ADCY3: variants seen among roughly 807,000 people sequenced by gnomAD.
ADCY3 encodes adenylate cyclase type 3.
ADCY3 carries 70 observed loss-of-function variants against 119.4 expected under a neutral mutation model. The observed-to-expected ratio is 0.59, with a 90% CI of 0.48 to 0.72. ADCY3 has a LOEUF of 0.72. Ranked by LOEUF, ADCY3 falls within the 30% of genes least tolerant of loss-of-function variation. The probability of loss-of-function intolerance (pLI) is 0.00; values close to 1 mark genes in which losing one functional copy is unlikely to be tolerated. For synonymous variants in ADCY3, 672 were observed against 621.4 expected, an observed-to-expected ratio of 1.08 and a Z score of -1.21; for missense variants, 1,238 against 1,541.6, an observed-to-expected ratio of 0.80 and a Z score of 3.30.
chr2:24,906,145 A>G (rs1025435592), intron 2 of ADCY3, among the ~76,000 whole-genome samples: 4 of 152,102 alleles, frequency 2.6e-5, no homozygotes, highest in Non-Finnish European at 5.9e-5. Context: ...CGTCTCTACT[A>G]AAACTACAAA....
intron 2 of ADCY3, among the ~76,000 whole-genome samples, chr2:24,902,034 CTGTGTG>C (rs57980321): frequency 0.05 from 6,126 of 122,252 alleles, 340 homozygotes; most frequent in African/African-American, 0.15. Context: ...CATTTTAACT[CTGTGTG>C]TGTGTGTGTG....
chr2:24,871,337 G>T (rs182320257), intron 3 of ADCY3, among the ~76,000 whole-genome samples: 44 of 152,356 alleles, frequency 2.9e-4, no homozygotes, highest in Non-Finnish European at 3.7e-4. Context: ...GGGCCCAGGG[G>T]AAGGGGCGAA....
At position 24,898,299 on chromosome 2, in the gene ADCY3, G is replaced by GCCTTT. The variant is rs1376110943; in HGVS notation, c.675+20009_675+20013dup. Among the ~76,000 whole-genome samples, 1 of 151,774 alleles carries GCCTTT rather than the reference G, an allele frequency of 6.6e-6. No individual in the cohort carries two copies. Among genetic ancestry groups the GCCTTT allele is most frequent in the African/African-American group, 2.4e-5 (1 of 41,294 alleles). On this transcript the variant is annotated intron_variant, in intron 2 of 21. Coordinates refer to ENST00000679454, the MANE Select transcript of ADCY3 (RefSeq NM_004036.5). This position sits in a 1 kb window ranked among gnomAD's most constrained non-coding sequence, Gnocchi z 4.3. ...AGGCCCCCGGGGAGGCTCGAGGACCGCCTTTCCATCACCGTGGGGTGAGCC... is the reference window on the plus strand; with the variant it reads ...AGGCCCCCGGGGAGGCTCGAGGACCGCCTTTCCTTTCCATCACCGTGGGGTGAGCC...
At chr2:24,905,583 C>T (rs963371158) in intron 2 of ADCY3, among the ~76,000 whole-genome samples, 2 of 152,168 alleles carry the variant, frequency 1.3e-5, no homozygotes, top group Non-Finnish European at 2.9e-5. Flanking sequence ...CAGGTCCGCC[C>T]CAACCAGGGA....
intron 11 of ADCY3, among the ~76,000 whole-genome samples, chr2:24,833,250 T>C (rs1669838158): frequency 6.6e-6 from 1 of 152,204 alleles, no homozygotes; most frequent in African/African-American, 2.4e-5. Flanking sequence ...TGCAGTGGCG[T>C]GTAGGAGGCC....
chr2:24,832,348 C>T (rs1459947567), intron 11 of ADCY3, among the ~76,000 whole-genome samples: 2 of 152,122 alleles, frequency 1.3e-5, no homozygotes, highest in African/African-American at 4.8e-5. Context: ...TGCACCCCTG[C>T]CATGTCGCTG....
chr2:24,834,856 T>C lies in ADCY3; in HGVS notation c.1743A>G (p.Glu581=). ...DLADRVVDAS[E]DEHELNQLLN... is the part of the protein sequence containing the mutation. ...GCAGCTGGTTGAGCTCGTGCTCATCTTCAGAGGCATCCACCACTCGGTCAG... is the reference window on the plus strand; with the variant it reads ...GCAGCTGGTTGAGCTCGTGCTCATCCTCAGAGGCATCCACCACTCGGTCAG... The change falls in exon 10 of 22, where the codon GAA becomes GAG. Residue 581 remains glutamate, a synonymous_variant. Transcript: ENST00000679454. The surrounding 1 kb of genome is among the most constrained non-coding windows in gnomAD (Gnocchi z 4.2). 6.2e-7 allele frequency: 1 copy of C among 1,613,944 alleles called. No individual in the cohort carries two copies. The highest frequency in any genetic ancestry group is 8.5e-7 in the Non-Finnish European group (1 of 1,180,008).
At chr2:24,832,414 G>C (rs1234663530) in intron 11 of ADCY3, among the ~76,000 whole-genome samples, 3 of 152,116 alleles carry the variant, frequency 2.0e-5, no homozygotes, top group Admixed American at 6.5e-5. Context: ...GGGGCTAAGA[G>C]TCTGCCTGTG....
chr2:24,902,962 T>G (rs1679072923), intron 2 of ADCY3, among the ~76,000 whole-genome samples: 3 of 151,610 alleles, frequency 2.0e-5, no homozygotes, highest in Non-Finnish European at 4.4e-5. Context: ...GCCCAAGAGG[T>G]TGAGGCTGCA....
intron 15 of ADCY3, chr2:24,826,343 C>A: frequency 1.9e-6 from 1 of 539,312 alleles, no homozygotes. Context: ...CCTGGCCCCT[C>A]CTGGCTGCAC....
At chr2:24,831,787 G>T in intron 11 of ADCY3, 38 bp from the exon 12 acceptor site, 1 of 1,518,194 alleles carries the variant, frequency 6.6e-7, no homozygotes. Context: ...AGGCCAGAGG[G>T]GACAGTGAGA....
Position 24,834,470 on chromosome 2 carries a change from C to T in ADCY3, c.1967+15G>A, listed in dbSNP as rs147173388. 8.7e-4 allele frequency: 1,390 copies of T among 1,591,596 alleles called. 33 individuals are homozygous for T. The East Asian group carries it at 0.028, about 32-fold the overall frequency. Reference sequence around the variant, plus strand: ...AGCCGAGGAAACTCGTGGCCCTCCCCGGCCCCTCCCTCACCAGGGGTCGAT... The same window carrying T: ...AGCCGAGGAAACTCGTGGCCCTCCCTGGCCCCTCCCTCACCAGGGGTCGAT... On this transcript the variant is annotated intron_variant, in intron 11 of 21. Transcript: ENST00000679454. The surrounding 1 kb of genome is among the most constrained non-coding windows in gnomAD (Gnocchi z 4.2).
intron 19 of ADCY3, 77 bp from the exon 20 acceptor site, chr2:24,821,717 G>A: frequency 1.3e-6 from 2 of 1,564,048 alleles, no homozygotes; most frequent in Non-Finnish European, 1.7e-6. Context: ...CCCTGGCAGT[G>A]TTCTGGGGGT....
chr2:24,905,988 C>T (rs777268649), intron 2 of ADCY3, among the ~76,000 whole-genome samples: 15 of 152,092 alleles, frequency 9.9e-5, no homozygotes, highest in Admixed American at 2.6e-4. Flanking sequence ...CCCTTCACTA[C>T]GCCGTAATTG....
At chr2:24,871,846 A>G (rs1277142324) in intron 3 of ADCY3, among the ~76,000 whole-genome samples, 4 of 152,182 alleles carry the variant, frequency 2.6e-5, no homozygotes, top group African/African-American at 9.6e-5. Context: ...AGCCTGAGTG[A>G]CATGAGAACT....
Position 24,918,300 on chromosome 2 carries a change from G to T in ADCY3, c.675+13C>A. ...GGAGAGGACGCTGTGGGGGGACAGT[G>T]GGCAGGACTCACCTCCCGCAGCAGC... On this transcript the variant is annotated intron_variant, in intron 2 of 21. Coordinates refer to ENST00000679454, the MANE Select transcript of ADCY3 (RefSeq NM_004036.5). This position sits in a 1 kb window ranked among gnomAD's most constrained non-coding sequence, Gnocchi z 5.4. 2 of 1,544,286 alleles carry T rather than the reference G, an allele frequency of 1.3e-6. No homozygotes were observed. The highest frequency in any genetic ancestry group is 1.7e-6 in the Non-Finnish European group (2 of 1,145,744).
At chr2:24,824,657 G>A in intron 16 of ADCY3, 121 bp from the exon 17 acceptor site, 2 of 1,088,260 alleles carry the variant, frequency 1.8e-6, no homozygotes, top group Non-Finnish European at 2.6e-6. Flanking sequence ...GGGAGGCCGA[G>A]GCAGGCGGAT....
At chr2:24,857,336 T>C (rs775738252) in intron 3 of ADCY3, among the ~76,000 whole-genome samples, 11 of 152,206 alleles carry the variant, frequency 7.2e-5, no homozygotes, top group African/African-American at 2.7e-4. Context: ...AAAGAGCAGG[T>C]ACTACTCCTT....
At chr2:24,874,585 C>T (rs1675422123) in intron 2 of ADCY3, among the ~76,000 whole-genome samples, 1 of 152,224 alleles carries the variant, frequency 6.6e-6, no homozygotes, top group African/African-American at 2.4e-5. Context: ...CAGCCTCCTT[C>T]CCGGCTGGGC....
Sources: gnomAD v4.1 joint callset for allele counts (sites outside exome capture counted in the v4.1 genomes callset) on GRCh38, gnomAD v4.1.1 for gene constraint, Gnocchi (gnomAD v3.1) non-coding constraint, MANE v1.5 for transcripts, NCBI Gene and HGNC (gene_info 2026-07-23, HGNC 2026-07-21) for gene names.